Variants in ARHGAP24 observed in about 807,000 individuals in gnomAD.
ARHGAP24 encodes Rho GTPase activating protein 24.
In ARHGAP24, 50 loss-of-function variants were observed where a neutral mutation model predicts 76.4. The observed-to-expected ratio is 0.65, with a 90% CI of 0.52 to 0.83. The LOEUF (loss-of-function observed/expected upper bound fraction) is 0.83. Among genes scored for constraint, ARHGAP24 ranks in the 40% least tolerant of loss-of-function variants. The pLI is 0.00. For synonymous variants in ARHGAP24, 345 were observed against 323.3 expected (o/e 1.07, Z -0.72); for missense variants, 930 against 914.2 (o/e 1.02, Z -0.22).
intron 2 of ARHGAP24, among the ~76,000 whole-genome samples, chr4:85,621,481 T>C (rs1256187349): frequency 6.6e-6 from 1 of 152,168 alleles, no homozygotes; most frequent in East Asian, 1.9e-4. Context: ...GGAGATGGTA[T>C]CTCATTGTTT....
At chr4:85,926,142 C>A (rs1258001525) in intron 4 of ARHGAP24, among the ~76,000 whole-genome samples, 1 of 151,940 alleles carries the variant, frequency 6.6e-6, no homozygotes, top group Non-Finnish European at 1.5e-5. Context: ...TCCAGTGGGA[C>A]TGGGTGAGCT....
At chr4:85,509,437 C>A (rs912188272) in intron 1 of ARHGAP24, among the ~76,000 whole-genome samples, 1 of 151,644 alleles carries the variant, frequency 6.6e-6, no homozygotes, top group East Asian at 1.9e-4. Context: ...TAAGGAAAAG[C>A]GATGGCTAGA....
Position 85,972,180 on chromosome 4 carries a change from C to A in ARHGAP24, c.732+12C>A. The stretch of plus-strand genomic sequence containing the variant: ...AGGAAGAGGAAGCAGTAAGTTGATG[C>A]ATTTATTTCCAAATAAGCTTTTGTT... On this transcript the variant is annotated intron_variant, in intron 6 of 9. Transcript: ENST00000395184. 1 of 1,612,838 alleles carries A rather than the reference C, an allele frequency of 6.2e-7. No individual in the cohort carries two copies.
At chr4:85,886,387 T>A (rs1381308306) in intron 3 of ARHGAP24, among the ~76,000 whole-genome samples, 2 of 152,120 alleles carry the variant, frequency 1.3e-5, no homozygotes, top group Non-Finnish European at 2.9e-5. Flanking sequence ...TCACCCTGCC[T>A]CCAGATTAAC....
At chr4:85,901,592 CAT>C (rs1435701795) in intron 3 of ARHGAP24, among the ~76,000 whole-genome samples, 1 of 152,168 alleles carries the variant, frequency 6.6e-6, no homozygotes, top group African/African-American at 2.4e-5. Flanking sequence ...TTGGGAGGTA[CAT>C]TTTATTTACT....
chr4:85,625,589 T>C (rs1170052056), intron 2 of ARHGAP24, among the ~76,000 whole-genome samples: 2 of 152,196 alleles, frequency 1.3e-5, no homozygotes, highest in African/African-American at 2.4e-5. Flanking sequence ...CTATTAGGTC[T>C]GCTTGGTGCA....
chr4:85,811,185 A>T (rs1728997901), intron 3 of ARHGAP24, among the ~76,000 whole-genome samples: 1 of 152,240 alleles, frequency 6.6e-6, no homozygotes, highest in Admixed American at 6.5e-5. Flanking sequence ...AAGTTTATTT[A>T]AAAATGGCAG....
chr4:85,907,405 G>A (rs552000376), intron 3 of ARHGAP24, among the ~76,000 whole-genome samples: 23 of 152,212 alleles, frequency 1.5e-4, no homozygotes, highest in Admixed American at 6.5e-4. Context: ...AGGAAAAGAC[G>A]TATTATCTTG....
chr4:85,627,049 T>A (rs138259197), intron 2 of ARHGAP24, among the ~76,000 whole-genome samples: 1 of 152,200 alleles, frequency 6.6e-6, no homozygotes, highest in Non-Finnish European at 1.5e-5. Context: ...AGTAGTTTGA[T>A]CATCTGAAGC....
chr4:85,540,572 C>T (rs2110122465), intron 1 of ARHGAP24, among the ~76,000 whole-genome samples: 1 of 152,270 alleles, frequency 6.6e-6, no homozygotes, highest in African/African-American at 2.4e-5. Context: ...TTTATGTATA[C>T]ATTAAGTGTA....
chr4:85,690,758 G>GTT (rs57175662), intron 2 of ARHGAP24, among the ~76,000 whole-genome samples: 8,589 of 130,712 alleles, frequency 0.066, 316 homozygotes, highest in Middle Eastern at 0.13. Context: ...TGTCAATCTT[G>GTT]TTTTTTTTTT....
At chr4:85,481,968 G>A (rs1722832089) in intron 1 of ARHGAP24, among the ~76,000 whole-genome samples, 1 of 152,160 alleles carries the variant, frequency 6.6e-6, no homozygotes, top group South Asian at 2.1e-4. Flanking sequence ...TTATGGGAGT[G>A]CATCTCACTC....
At chr4:85,872,761 C>A (rs1370751517) in intron 3 of ARHGAP24, among the ~76,000 whole-genome samples, 3 of 151,108 alleles carry the variant, frequency 2.0e-5, no homozygotes, top group African/African-American at 7.3e-5. Flanking sequence ...CCATGCCCGG[C>A]TAACTTTTGT....
At chr4:85,981,917 T>A (rs543259575) in intron 8 of ARHGAP24, among the ~76,000 whole-genome samples, 29 of 152,220 alleles carry the variant, frequency 1.9e-4, no homozygotes, top group African/African-American at 7.0e-4. Flanking sequence ...TATGGGGCGC[T>A]TTGGGGATAT....
intron 2 of ARHGAP24, among the ~76,000 whole-genome samples, chr4:85,697,680 G>GA (rs976240369): frequency 3.3e-5 from 5 of 152,098 alleles, no homozygotes; most frequent in African/African-American, 1.2e-4. Context: ...TGTTTCTGAG[G>GA]AAAAAAGTGA....
At chr4:85,634,953 T>C (rs771649478) in intron 2 of ARHGAP24, among the ~76,000 whole-genome samples, 6 of 151,904 alleles carry the variant, frequency 3.9e-5, no homozygotes, top group Non-Finnish European at 8.8e-5. Context: ...CAGACACTCC[T>C]GAATCTTTAG....
intron 4 of ARHGAP24, among the ~76,000 whole-genome samples, chr4:85,939,098 A>T (rs959248887): frequency 4.6e-5 from 7 of 152,160 alleles, no homozygotes; most frequent in African/African-American, 7.2e-5. Context: ...CTGTGCTTCA[A>T]GCTCCTCCTC....
At chr4:85,654,303 C>T (rs966255274) in intron 2 of ARHGAP24, among the ~76,000 whole-genome samples, 3 of 152,110 alleles carry the variant, frequency 2.0e-5, no homozygotes, top group African/African-American at 7.2e-5. Flanking sequence ...GGACCCAGTC[C>T]ATTTGGATTT....
In ARHGAP24 at chr4:85,697,297, G is replaced by A. The variant is rs149977121; in HGVS notation, c.181-24588G>A. Among the ~76,000 whole-genome samples, 824 of 152,250 alleles carry A rather than the reference G, an allele frequency of 5.4e-3. 7 individuals carry two copies. The highest frequency in any genetic ancestry group is 0.019 in the African/African-American group (772 of 41,538). On this transcript the variant is annotated intron_variant, in intron 2 of 9. Coordinates refer to ENST00000395184, the MANE Select transcript of ARHGAP24 (RefSeq NM_001025616.3). Reference sequence around the variant, plus strand: ...AACTATCTAGTTGTGCACAGATAATGTGTCTGCATAGTTTGCTGAGAATGA... The same window carrying A: ...AACTATCTAGTTGTGCACAGATAATATGTCTGCATAGTTTGCTGAGAATGA...
Sources: allele counts gnomAD v4.1 joint callset (sites outside exome capture counted in the v4.1 genomes callset), GRCh38; gene constraint gnomAD v4.1.1; transcripts MANE v1.5; gene names NCBI Gene and HGNC (gene_info 2026-07-23, HGNC 2026-07-21).